CFAP46: variants seen among roughly 807,000 people sequenced by gnomAD.
CFAP46 encodes the protein cilia- and flagella-associated protein 46.
CFAP46 carries 245 observed loss-of-function variants against 325.7 expected under a neutral mutation model. The ratio of observed to expected loss-of-function variants is 0.75; its 90% CI spans 0.68 to 0.84. The LOEUF (loss-of-function observed/expected upper bound fraction) is 0.84. Ranked by LOEUF, CFAP46 falls within the 40% of genes least tolerant of loss-of-function variation. CFAP46 has a pLI of 0.00. For missense variants in CFAP46, 3,346 were observed against 3,543.0 expected (o/e 0.94, Z 1.41); for synonymous variants, 1,523 against 1,495.9 (o/e 1.02, Z -0.42).
At chr10:132,932,894 C>T (rs949469988) in intron 8 of CFAP46, among the ~76,000 whole-genome samples, 1 of 152,258 alleles carries the variant, frequency 6.6e-6, no homozygotes, top group Admixed American at 6.5e-5. Context: ...CCAGGGTTTC[C>T]CTCCGGGACG....
intron 25 of CFAP46, among the ~76,000 whole-genome samples, chr10:132,887,150 TCTCTCTC>T (rs1849147134): frequency 2.4e-5 from 1 of 40,848 alleles, no homozygotes; most frequent in African/African-American, 1.4e-4. Context: ...CTCTCACTTC[TCTCTCTC>T]CTCTCTCTTC....
rs1849698409 is a variant in CFAP46, at chr10:132,920,058, C to T, written c.1730+1G>A. Reference sequence around the variant, plus strand: ...GGCGCTCTGGCCTTTTCCTCACTCACCTCTCCTTGTCGTTTTCGTTGCCCA... The same window carrying T: ...GGCGCTCTGGCCTTTTCCTCACTCATCTCTCCTTGTCGTTTTCGTTGCCCA... On this transcript the variant is annotated splice_donor_variant, in intron 14 of 57. Transcript: ENST00000368586. LOFTEE classifies it high-confidence loss of function. The T allele has an allele frequency of 6.5e-7, 1 of 1,540,990 alleles. No homozygotes were observed.
At position 132,916,596 on chromosome 10, in the gene CFAP46, G is replaced by A. The variant is rs775450051; in HGVS notation, c.2073C>T (p.Gly691=). ...PPEDLSQHPA[G]YVPEPPEVNA... ...TCACCTCCGGGGGCTCAGGCACGTA[G>A]CCAGCTGGGTGCTGGCTCAGGTCTT... The change falls in exon 17 of 58, where the codon GGC becomes GGT. Residue 691 remains glycine, a synonymous_variant. Coordinates refer to ENST00000368586, the MANE Select transcript of CFAP46 (RefSeq NM_001200049.3). 7.1e-6 allele frequency: 11 copies of A among 1,547,220 alleles called. No homozygotes were observed. The Admixed American group carries it at 1.2e-4, about 17-fold the overall frequency.
At chr10:132,913,280 G>A (rs1412590897) in intron 17 of CFAP46, 22 bp from the exon 18 acceptor site, 1 of 1,458,222 alleles carries the variant, frequency 6.9e-7, no homozygotes, top group Admixed American at 2.1e-5. Context: ...GCACCACCAA[G>A]CCCTTAATGC....
chr10:132,908,565 T>G lies in CFAP46; in HGVS notation c.2827A>C (p.Thr943Pro). ...TCACGCGCTGCATGGGCGAAGTGGG[T>G]CAGCCGCGTCAGGGTCTGCAGCTCC... ...LVELQTLTRL[T>P]HFAHAARDHE... is the part of the protein sequence containing the mutation. The change falls in exon 22 of 58, where the codon ACC becomes CCC. Residue 943 changes from threonine (T) to proline (P), a missense_variant. Thr to Pro is a conservative substitution (Grantham distance 38, BLOSUM62 -1). Coordinates refer to ENST00000368586, the MANE Select transcript of CFAP46 (RefSeq NM_001200049.3). The G allele has an allele frequency of 6.5e-7, 1 of 1,550,324 alleles. No homozygotes were observed. The highest frequency in any genetic ancestry group is 2.4e-5 in the East Asian group (1 of 40,906).
At chr10:132,829,731 A>G (rs1293789269) in intron 50 of CFAP46, among the ~76,000 whole-genome samples, 5 of 152,226 alleles carry the variant, frequency 3.3e-5, no homozygotes, top group African/African-American at 7.2e-5. Context: ...TGTATTCCGA[A>G]TGGATGTTGG....
At chr10:132,929,320 TAACA>T in intron 9 of CFAP46, 1 of 607,516 alleles carries the variant, frequency 1.6e-6, no homozygotes, top group Non-Finnish European at 3.0e-6. Flanking sequence ...TGTCTGCAGG[TAACA>T]AACTGCAGAA....
At chr10:132,893,916 C>G (rs1384481090) in intron 24 of CFAP46, among the ~76,000 whole-genome samples, 1 of 151,824 alleles carries the variant, frequency 6.6e-6, no homozygotes, top group Non-Finnish European at 1.5e-5. Flanking sequence ...GTTGCTGCAG[C>G]CCCCTGTGGG....
At position 132,920,079 on chromosome 10, in the gene CFAP46, G is replaced by A. The variant is rs1303769527; in HGVS notation, c.1710C>T (p.Gly570=). Residue 570 remains glycine, a synonymous_variant, in exon 14 of 58, where the codon GGC becomes GGT. Coordinates refer to ENST00000368586, the MANE Select transcript of CFAP46 (RefSeq NM_001200049.3). ...CTCACCTCTCCTTGTCGTTTTCGTT[G>A]CCCAGGCGCCGCAGGTGCCCGGCAG... ...DKAAGHLRRL[G]NENDKERIQI... is the part of the protein sequence containing the mutation. 2 of 1,546,902 alleles carry A rather than the reference G, an allele frequency of 1.3e-6. No individual in the cohort carries two copies. Among genetic ancestry groups the A allele is most frequent in the Non-Finnish European group, 1.7e-6 (2 of 1,145,580 alleles).
In CFAP46 at chr10:132,893,553, C is replaced by G. The variant is rs746066006; in HGVS notation, c.3220-1136G>C. Among the ~76,000 whole-genome samples the G allele has an allele frequency of 3.5e-3, 537 of 152,286 alleles. 6 individuals are homozygous for G. Among genetic ancestry groups the G allele is most frequent in the Non-Finnish European group, 2.1e-3 (141 of 68,024 alleles). On this transcript the variant is annotated intron_variant, in intron 24 of 57. Coordinates refer to ENST00000368586, the MANE Select transcript of CFAP46 (RefSeq NM_001200049.3). ...TTTCCCTTTTTTCTTCCTTTCTACC[C>G]AATAAAATCCTGCCTTTCTCACCCT...
chr10:132,918,652 G>T (rs1231583849), intron 15 of CFAP46, 132 bp from the exon 16 acceptor site: 1 of 1,226,464 alleles, frequency 8.2e-7, no homozygotes, highest in East Asian at 2.7e-5. Context: ...AGGTGGGCGG[G>T]TAGGCGGGAG....
At chr10:132,855,001 G>C (rs1400953465) in intron 39 of CFAP46, among the ~76,000 whole-genome samples, 1 of 152,172 alleles carries the variant, frequency 6.6e-6, no homozygotes, top group African/African-American at 2.4e-5. Context: ...TTATTCTGCT[G>C]TTGTTGGGTG....
Position 132,836,938 on chromosome 10 carries a change from A to G in CFAP46, c.6439-24T>C, listed in dbSNP as rs764766475. ...GCCTGTGTGGCGAAAAACGGCCATC[A>G]GGGGATGCATTTAGGACGCAAGGAC... On this transcript the variant is annotated intron_variant, in intron 44 of 57. Transcript: ENST00000368586. The G allele has an allele frequency of 4.5e-6, 7 of 1,561,378 alleles. No homozygotes were observed. The Admixed American group carries it at 1.0e-4, about 22-fold the overall frequency.
Position 132,858,317 on chromosome 10 carries a change from A to AGGGAGGC in CFAP46, c.5376-530_5376-529insGCCTCCC, listed in dbSNP as rs1848675131. Among the ~76,000 whole-genome samples, 7 of 104,116 alleles carry AGGGAGGC rather than the reference A, an allele frequency of 6.7e-5. 3 individuals are homozygous for AGGGAGGC. Among genetic ancestry groups the AGGGAGGC allele is most frequent in the African/African-American group, 2.6e-4 (7 of 26,766 alleles). The allele number at this position is 104,116 out of a possible 152,430, so 68.3% of individuals were successfully genotyped here. On this transcript the variant is annotated intron_variant, in intron 38 of 57. Transcript: ENST00000368586. ...TGGGGGCAGGGAGGTGGGCGGGGCC[A>AGGGAGGC]TGGAGGCTTTGCTGGGGGTGGCCCC... is the stretch of plus-strand genomic sequence containing the variant.
At chr10:132,834,223 C>A in intron 48 of CFAP46, 100 bp from the exon 49 acceptor site, 1 of 1,083,848 alleles carries the variant, frequency 9.2e-7, no homozygotes, top group South Asian at 1.4e-5. Context: ...AAGGCAGCAG[C>A]ACCACGAATC....
intron 28 of CFAP46, 108 bp from the exon 29 acceptor site, chr10:132,879,739 CG>C: frequency 8.8e-7 from 1 of 1,134,814 alleles, no homozygotes; most frequent in East Asian, 2.8e-5. Context: ...CGGTGCCTCG[CG>C]GACACCCGGT....
At chr10:132,931,848 C>T (rs375125544) in intron 8 of CFAP46, among the ~76,000 whole-genome samples, 37 of 144,064 alleles carry the variant, frequency 2.6e-4, no homozygotes, top group African/African-American at 9.3e-4. Context: ...GAGCCTGGGC[C>T]TCCTTACACT....
intron 24 of CFAP46, among the ~76,000 whole-genome samples, chr10:132,895,163 G>T (rs1305003081): frequency 3.3e-5 from 5 of 152,204 alleles, no homozygotes; most frequent in African/African-American, 1.2e-4. Flanking sequence ...GTGCAGATCA[G>T]TCAGCGTGAT....
chr10:132,851,462 C>A (rs1354408772), intron 39 of CFAP46, among the ~76,000 whole-genome samples, 157 bp from the exon 40 acceptor site: 1 of 152,202 alleles, frequency 6.6e-6, no homozygotes, highest in Non-Finnish European at 1.5e-5. Context: ...ACGAATACAC[C>A]CGTGAAACCA....
Sources: allele counts gnomAD v4.1 joint callset (sites outside exome capture counted in the v4.1 genomes callset), GRCh38; gene constraint gnomAD v4.1.1; transcripts MANE v1.5; gene names NCBI Gene and HGNC (gene_info 2026-07-23, HGNC 2026-07-21).